Variants in BBS5 observed in about 807,000 individuals in gnomAD.
BBS5 encodes the protein Bardet-Biedl syndrome 5, also known as BBSome complex member BBS5.
A neutral mutation model predicts 50.2 loss-of-function variants in BBS5; 39 were observed. The ratio of observed to expected loss-of-function variants is 0.78; its 90% CI spans 0.60 to 1.01. BBS5 has a LOEUF of 1.01. BBS5 is among the 50% of genes least tolerant of loss of function. The pLI is 0.00. For synonymous variants in BBS5, 134 were observed against 133.1 expected, an observed-to-expected ratio of 1.01 and a Z score of -0.05; for missense variants, 356 against 401.5, an observed-to-expected ratio of 0.89 and a Z score of 0.97.
rs1301450659 is a variant in BBS5, at chr2:169,504,326, G to A, written c.924G>A (p.Lys308=). ...AGGCTTATTTTGCTGATGGCAATAAGGTAAGGACATTTATTTTACCTACAG... is the reference window on the plus strand; with the variant it reads ...AGGCTTATTTTGCTGATGGCAATAAAGTAAGGACATTTATTTTACCTACAG... ...AFVAYFADGN[K]QQDREPVFSE... Residue 308 remains lysine (K), a splice_region_variant and synonymous_variant, in exon 11 of 12, where the codon AAG becomes AAA. Transcript: ENST00000295240. 6.2e-7 allele frequency: 1 copy of A among 1,612,864 alleles called. No homozygotes were observed. Among genetic ancestry groups the A allele is most frequent in the Non-Finnish European group, 8.5e-7 (1 of 1,178,948 alleles).
chr2:169,483,229 C>T (rs541300662), intron 2 of BBS5, among the ~76,000 whole-genome samples: 1 of 152,292 alleles, frequency 6.6e-6, no homozygotes, highest in African/African-American at 2.4e-5. Context: ...TTTCTTCTGA[C>T]CTGCTCTGAG....
chr2:169,505,732 G>A lies in BBS5; in HGVS notation c.*1150G>A, dbSNP rs552716648. On this transcript the variant is annotated 3_prime_UTR_variant, in exon 12 of 12. Transcript: ENST00000295240. The stretch of plus-strand genomic sequence containing the variant: ...AGCCCCTCTGCCCAGCAGCCGCCCC[G>A]TCTGAGAAGTGAGGAGCCCCTCTGC... 18 of 193,886 alleles carry A rather than the reference G, an allele frequency of 9.3e-5. 1 individual carries two copies. Among genetic ancestry groups the A allele is most frequent in the Middle Eastern group, 2.1e-3 (1 of 466 alleles). 12.0% of individuals were successfully genotyped at this position (193,886 alleles called of 1,614,324 possible).
In BBS5 at chr2:169,479,563, C is replaced by G. The variant is rs1683347956; in HGVS notation, c.10C>G (p.Leu4Val). 6.2e-7 allele frequency: 1 copy of G among 1,614,060 alleles called. No individual in the cohort carries two copies. The highest frequency in any genetic ancestry group is 1.3e-5 in the African/African-American group (1 of 74,942). Residue 4 changes from leucine to valine, a missense_variant, in exon 1 of 12, where the codon CTG (leucine) becomes GTG (valine). Physicochemically the swap from Leu to Val is conservative, Grantham distance 32. Coordinates refer to ENST00000295240, the MANE Select transcript of BBS5 (RefSeq NM_152384.3). MSV[L>V]DALWEDRDVR... ...ACGGGCCTTGTTCACCATGTCGGTG[C>G]TGGATGCGCTTTGGGAGGATCGGGA...
chr2:169,492,227 C>T (rs979790109), intron 5 of BBS5, among the ~76,000 whole-genome samples: 1 of 151,722 alleles, frequency 6.6e-6, no homozygotes, highest in Non-Finnish European at 1.5e-5. Flanking sequence ...CATGGTGGCT[C>T]ACGCCTGTAA....
chr2:169,489,186 C>A (rs1314812351), intron 5 of BBS5, among the ~76,000 whole-genome samples: 3 of 151,966 alleles, frequency 2.0e-5, no homozygotes, highest in African/African-American at 7.2e-5. Context: ...TAGAGCCAGA[C>A]GTGGTGGCGC....
chr2:169,481,733 C>T (rs1340668734), intron 1 of BBS5, among the ~76,000 whole-genome samples: 1 of 152,000 alleles, frequency 6.6e-6, no homozygotes, highest in Admixed American at 6.6e-5. Context: ...TTTCATACAG[C>T]TCTTCTTTAA....
rs781207765 is a variant in BBS5, at chr2:169,499,579, G to T, written c.775G>T (p.Ala259Ser). Reference protein sequence around the residue: ...EINSLHKVYSASPIFGVDYEM... With the variant: ...EINSLHKVYSSSPIFGVDYEM... ...CAATTCACTTCACAAAGTCTATTCT[G>T]CCAGTCCCATATTTGGAGTTGATTA... Residue 259 changes from alanine to serine, a missense_variant, in exon 9 of 12, where the codon GCC becomes TCC. Ala to Ser is a moderately conservative substitution (Grantham distance 99). Coordinates refer to ENST00000295240, the MANE Select transcript of BBS5 (RefSeq NM_152384.3). The T allele has an allele frequency of 4.3e-6, 7 of 1,613,832 alleles. No individual in the cohort carries two copies. The highest frequency in any genetic ancestry group is 5.9e-6 in the Non-Finnish European group (7 of 1,179,794).
At chr2:169,483,444 C>T (rs1683435631) in intron 2 of BBS5, among the ~76,000 whole-genome samples, 1 of 152,196 alleles carries the variant, frequency 6.6e-6, no homozygotes, top group African/African-American at 2.4e-5. Context: ...GCATGAGCCA[C>T]TGCTCCTGGC....
Position 169,480,265 on chromosome 2 carries a change from A to G in BBS5, c.59+653A>G, listed in dbSNP as rs187508319. ...CATTAAATAGAAACCATGTTTTTGG[A>G]AAGTATCGTAAAGAAAAAGTGGTTA... On this transcript the variant is annotated intron_variant, in intron 1 of 11. Transcript: ENST00000295240. 2.0e-4 allele frequency among the ~76,000 whole-genome samples: 30 copies of G among 152,312 alleles called. No homozygotes were observed. In the East Asian group the frequency reaches 4.6e-3, roughly 23 times the overall value.
At chr2:169,492,404 C>A (rs1012368044) in intron 5 of BBS5, among the ~76,000 whole-genome samples, 1 of 151,294 alleles carries the variant, frequency 6.6e-6, no homozygotes, top group Admixed American at 6.6e-5. Flanking sequence ...GCAGGAGAAT[C>A]ACTTGAACCT....
intron 10 of BBS5, among the ~76,000 whole-genome samples, chr2:169,503,709 A>G (rs1211046600): frequency 6.6e-6 from 1 of 152,234 alleles, no homozygotes; most frequent in African/African-American, 2.4e-5. Flanking sequence ...TATTTGAACA[A>G]TAGCTTTCCT....
chr2:169,497,676 A>T lies in BBS5; in HGVS notation c.668A>T (p.Glu223Val), dbSNP rs775524491. The T allele has an allele frequency of 2.1e-5, 33 of 1,592,670 alleles. No homozygotes were observed. Among genetic ancestry groups the T allele is most frequent in the African/African-American group, 2.7e-5 (2 of 74,440 alleles). Reference protein sequence around the residue: ...DSKFGLALVIESSQQSGGYVL... With the variant: ...DSKFGLALVIVSSQQSGGYVL... The stretch of plus-strand genomic sequence containing the variant: ...AAATTTGGTTTAGCTCTTGTCATAG[A>T]AAGCTCTCAGCAGGTAAGATCTTGT... The change falls in exon 8 of 12, where the codon GAA (glutamate) becomes GTA (valine). Residue 223 changes from glutamate to valine, a missense_variant. Glu to Val is a moderately radical substitution (Grantham distance 121). Coordinates refer to ENST00000295240, the MANE Select transcript of BBS5 (RefSeq NM_152384.3).
chr2:169,485,930 C>G (rs1057103976), intron 2 of BBS5, among the ~76,000 whole-genome samples: 2 of 152,212 alleles, frequency 1.3e-5, no homozygotes, highest in South Asian at 2.1e-4. Flanking sequence ...AACTGCTGCT[C>G]CCTCTTTTGT....
rs781408988 is a variant in BBS5, at chr2:169,504,504, TTCA to T, written c.949_951del (p.Ser317del). 4 of 1,613,942 alleles carry T rather than the reference TTCA, an allele frequency of 2.5e-6. No homozygotes were observed. The highest frequency in any genetic ancestry group is 3.4e-6 in the Non-Finnish European group (4 of 1,179,968). On this transcript the variant is annotated inframe_deletion, in exon 12 of 12. Transcript: ENST00000295240. ...AGCAACAAGATCGTGAACCTGTATT[TTCA>T]GAAGAACTGGGGCTTGCAATAGAGA...
rs1004149935 is a variant in BBS5 at position 169,479,686 on chromosome 2, C to T, written c.59+74C>T. 12 of 1,523,228 alleles carry T rather than the reference C, an allele frequency of 7.9e-6. No individual in the cohort carries two copies. The African/African-American group carries it at 1.5e-4, about 19-fold the overall frequency. The allele number at this position is 1,523,228 out of a possible 1,614,324, so 94.4% of individuals were successfully genotyped here. ...GCCGTGCGCGTTAGGGACCCGCGGG[C>T]GGAGACTGCACCTCCGCAGCTCGCG... is the stretch of plus-strand genomic sequence containing the variant. On this transcript the variant is annotated intron_variant, in intron 1 of 11. Transcript: ENST00000295240.
At chr2:169,502,185 C>G (rs187502827) in intron 9 of BBS5, among the ~76,000 whole-genome samples, 1 of 152,148 alleles carries the variant, frequency 6.6e-6, no homozygotes, top group African/African-American at 2.4e-5. Context: ...AGTGAATATT[C>G]ATAGTTGTTG....
chr2:169,483,261 C>CTGT (rs1683431936), intron 2 of BBS5, among the ~76,000 whole-genome samples: 2 of 152,158 alleles, frequency 1.3e-5, no homozygotes, highest in African/African-American at 4.8e-5. Flanking sequence ...GCAGCAGGCC[C>CTGT]TGTTGTAAGC....
chr2:169,501,040 T>G (rs1158735645), intron 9 of BBS5, among the ~76,000 whole-genome samples: 3 of 152,224 alleles, frequency 2.0e-5, no homozygotes, highest in Non-Finnish European at 4.4e-5. Context: ...CGAGTGGAAT[T>G]TCTTATTTCA....
At chr2:169,482,514 A>G (rs1683415832) in intron 2 of BBS5, 181 bp downstream of exon 2, 1 of 581,206 alleles carries the variant, frequency 1.7e-6, no homozygotes, top group Non-Finnish European at 3.1e-6. Flanking sequence ...TTAAACATGT[A>G]GTTTGGTCCT....
Sources: gnomAD v4.1 joint callset for allele counts (sites outside exome capture counted in the v4.1 genomes callset) on GRCh38, gnomAD v4.1.1 for gene constraint, MANE v1.5 for transcripts, NCBI Gene and HGNC (gene_info 2026-07-23, HGNC 2026-07-21) for gene names.